TIAM1: variants seen among roughly 807,000 people sequenced by gnomAD.
TIAM1 encodes TIAM Rac1 associated GEF 1.
TIAM1 carries 65 observed loss-of-function variants against 163.5 expected under a neutral mutation model. That is an observed-to-expected ratio of 0.40 (90% confidence interval 0.33 to 0.49). TIAM1 has a LOEUF of 0.49. TIAM1 is among the 20% of genes least tolerant of loss of function. The pLI, the probability that TIAM1 is intolerant of heterozygous loss-of-function variation, is 0.77. For synonymous variants in TIAM1, 833 were observed against 810.1 expected, an observed-to-expected ratio of 1.03 and a Z score of -0.48; for missense variants, 1,789 against 2,044.7, an observed-to-expected ratio of 0.87 and a Z score of 2.41.
intron 2 of TIAM1, among the ~76,000 whole-genome samples, chr21:31,402,232 A>C (rs190873184): frequency 2.0e-5 from 3 of 152,068 alleles, no homozygotes; most frequent in East Asian, 1.9e-4. Flanking sequence ...ACAACAACAA[A>C]AAATTGGAAT....
chr21:31,373,347 C>CCCATTCCT (rs2076630757), intron 2 of TIAM1, among the ~76,000 whole-genome samples: 1 of 152,158 alleles, frequency 6.6e-6, no homozygotes, highest in Admixed American at 6.5e-5. Context: ...TAAAGACATA[C>CCCATTCCT]CCGAAACTGG....
rs530565138 is a variant in TIAM1, at chr21:31,203,008, T to C, written c.2393A>G (p.His798Arg). Residue 798 changes from histidine to arginine, a missense_variant, in exon 12 of 28, where the codon CAT becomes CGT. His to Arg is a conservative substitution (Grantham distance 29). Around this residue, in one of 5 missense-constraint regions of TIAM1, gnomAD observed 456 missense variants for 586.6 expected, o/e 0.78. Transcript: ENST00000541036. ...RDTLELICKTHQLDHSAHYLR... is the reference protein window; with the variant it reads ...RDTLELICKTRQLDHSAHYLR... Reference sequence around the variant, plus strand: ...GTAATGAGCAGAATGATCCAGTTGATGTGTCTGGGACAAAAAAGAAAGAAA... The same window carrying C: ...GTAATGAGCAGAATGATCCAGTTGACGTGTCTGGGACAAAAAAGAAAGAAA... 5.4e-5 allele frequency: 87 copies of C among 1,611,842 alleles called. No homozygotes were observed. In the South Asian group the frequency reaches 8.3e-4, roughly 15 times the overall value.
At chr21:31,528,230 C>G (rs1284994234) in intron 1 of TIAM1, among the ~76,000 whole-genome samples, 1 of 152,226 alleles carries the variant, frequency 6.6e-6, no homozygotes, top group Non-Finnish European at 1.5e-5. Flanking sequence ...AAATACTTCC[C>G]AAAGCCAGGC....
At chr21:31,226,030 A>T in intron 6 of TIAM1, 80 bp from the exon 7 acceptor site, 1 of 1,303,738 alleles carries the variant, frequency 7.7e-7, no homozygotes, top group Non-Finnish European at 1.1e-6. Flanking sequence ...TTTCCAGAGA[A>T]GCAATGCCTG....
At chr21:31,181,794 T>C (rs1390235422) in intron 15 of TIAM1, among the ~76,000 whole-genome samples, 1 of 96,402 alleles carries the variant, frequency 1.0e-5, no homozygotes, top group East Asian at 3.0e-4. Context: ...TTTTTTTTTT[T>C]TTTTTTTTTT....
chr21:31,205,509 C>A (rs2086404729), intron 11 of TIAM1, among the ~76,000 whole-genome samples: 1 of 152,194 alleles, frequency 6.6e-6, no homozygotes, highest in African/African-American at 2.4e-5. Flanking sequence ...GCACAAATAG[C>A]CTAAGGTGGT....
rs779875462 is a variant in TIAM1 at position 31,135,932 on chromosome 21, C to T, written c.3883+1G>A. 1 of 1,614,096 alleles carries T rather than the reference C, an allele frequency of 6.2e-7. No individual in the cohort carries two copies. Among genetic ancestry groups the T allele is most frequent in the African/African-American group, 1.3e-5 (1 of 75,046 alleles). On this transcript the variant is annotated splice_donor_variant, in intron 23 of 27. Transcript: ENST00000541036. LOFTEE classifies it high-confidence loss of function. ...CCATAAAACGCTTTTCTGATACACA[C>T]CGAATGCTGCCAACTCTGGTTCCTT...
rs1246024773 is a variant in TIAM1 at position 31,142,642 on chromosome 21, AAAAAG to A, written c.3476-1143_3476-1139del. On this transcript the variant is annotated intron_variant, in intron 20 of 27. Transcript: ENST00000541036. ...GGAGACTCCGTCTCAAAAAAAAAAA[AAAAAG>A]AAAGAAAAAAAGAAAAAGAAAAAGA... 5.8e-3 allele frequency among the ~76,000 whole-genome samples: 872 copies of A among 151,026 alleles called. 8 individuals carry two copies. The highest frequency in any genetic ancestry group is 0.02 in the African/African-American group (803 of 40,836).
At chr21:31,357,973 C>T (rs192877426) in intron 2 of TIAM1, among the ~76,000 whole-genome samples, 2 of 152,314 alleles carry the variant, frequency 1.3e-5, no homozygotes, top group East Asian at 3.9e-4. Flanking sequence ...GGGCTTAGTC[C>T]TTGGTCCTCT....
rs779990706 is a variant in TIAM1, at chr21:31,154,438, A to AG, written c.2992-13dup. 1.2e-6 allele frequency: 2 copies of AG among 1,608,574 alleles called. No homozygotes were observed. Among genetic ancestry groups the AG allele is most frequent in the African/African-American group, 2.7e-5 (2 of 74,794 alleles). ...ACCTGTTCTGTACTCTTCGGAGCACAGGGGGGAAGGGAAGGCAGAGGTCAT... is the reference window on the plus strand; with the variant it reads ...ACCTGTTCTGTACTCTTCGGAGCACAGGGGGGGAAGGGAAGGCAGAGGTCAT... On this transcript the variant is annotated splice_polypyrimidine_tract_variant and intron_variant, in intron 16 of 27. Transcript: ENST00000541036.
At chr21:31,294,414 TCTC>T (rs1433075791) in intron 2 of TIAM1, among the ~76,000 whole-genome samples, 1 of 152,106 alleles carries the variant, frequency 6.6e-6, no homozygotes, top group Non-Finnish European at 1.5e-5. Context: ...TAACTCTGCT[TCTC>T]CACCACAGAG....
chr21:31,179,460 C>A (rs1052597832), intron 15 of TIAM1, among the ~76,000 whole-genome samples: 1 of 150,970 alleles, frequency 6.6e-6, no homozygotes, highest in Non-Finnish European at 1.5e-5. Flanking sequence ...AAATTTGAGT[C>A]ATAGTTATTA....
intron 6 of TIAM1, among the ~76,000 whole-genome samples, chr21:31,242,840 G>T (rs1317271683): frequency 8.9e-6 from 1 of 112,070 alleles, no homozygotes; most frequent in Non-Finnish European, 1.8e-5. Context: ...CAGCCTGGGG[G>T]ACAGAACAAG....
At chr21:31,179,113 A>C (rs1186459806) in intron 15 of TIAM1, among the ~76,000 whole-genome samples, 1 of 151,528 alleles carries the variant, frequency 6.6e-6, no homozygotes, top group Non-Finnish European at 1.5e-5. Flanking sequence ...GTGGCCGCAC[A>C]CAGTGGCTCA....
chr21:31,475,008 T>C (rs2045885599), intron 1 of TIAM1, among the ~76,000 whole-genome samples: 1 of 148,190 alleles, frequency 6.7e-6, no homozygotes, highest in African/African-American at 2.5e-5. Flanking sequence ...CACATATAAG[T>C]TGCTGTGAGC....
intron 15 of TIAM1, among the ~76,000 whole-genome samples, chr21:31,168,491 C>T (rs2084348304): frequency 6.6e-6 from 1 of 152,102 alleles, no homozygotes; most frequent in Non-Finnish European, 1.5e-5. Flanking sequence ...AGCTCTACCT[C>T]CCGGGTTCAC....
chr21:31,156,068 C>G (rs1252365151), intron 16 of TIAM1, among the ~76,000 whole-genome samples: 2 of 152,138 alleles, frequency 1.3e-5, no homozygotes, highest in Non-Finnish European at 2.9e-5. Context: ...GTTTTAAACA[C>G]AGAGGAAGGC....
At chr21:31,379,828 T>C (rs991283550) in intron 2 of TIAM1, among the ~76,000 whole-genome samples, 4 of 152,142 alleles carry the variant, frequency 2.6e-5, no homozygotes, top group Non-Finnish European at 5.9e-5. Context: ...AGGAAATCTA[T>C]GGAGACAAAT....
At chr21:31,448,493 C>T (rs562446) in intron 2 of TIAM1, among the ~76,000 whole-genome samples, 123,440 of 151,666 alleles carry the variant, frequency 0.81, 50,534 homozygotes, top group East Asian at 0.91. Context: ...GTAGTCCCAG[C>T]TACTCAGGAG....
Sources: gnomAD v4.1 joint callset for allele counts (sites outside exome capture counted in the v4.1 genomes callset) on GRCh38, gnomAD v4.1.1 for gene constraint, gnomAD v4.1.1 regional missense constraint, MANE v1.5 for transcripts, NCBI Gene and HGNC (gene_info 2026-07-23, HGNC 2026-07-21) for gene names.